The following TASP1 variants were observed in gnomAD, a reference collection of about 807,000 sequenced individuals.
TASP1 encodes the protein threonine aspartase 1.
Under a neutral mutation model 56.6 loss-of-function variants are expected in TASP1, and 16 were observed. The ratio of observed to expected loss-of-function variants is 0.28; its 90% confidence interval spans 0.19 to 0.43. The LOEUF is 0.43. TASP1 is among the 20% of genes least tolerant of loss of function. The pLI is 1.00. For synonymous variants in TASP1, 179 were observed against 184.2 expected (o/e 0.97, Z 0.23); for missense variants, 393 against 511.6 (o/e 0.77, Z 2.24).
intron 11 of TASP1, among the ~76,000 whole-genome samples, chr20:13,437,433 C>T (rs2043044326): frequency 6.6e-6 from 1 of 152,200 alleles, no homozygotes; most frequent in African/African-American, 2.4e-5. Context: ...GAAGCATTCC[C>T]TTTGAAAACT....
chr20:13,635,119 C>T (rs2049251063), intron 1 of TASP1, among the ~76,000 whole-genome samples: 1 of 152,112 alleles, frequency 6.6e-6, no homozygotes, highest in African/African-American at 2.4e-5. Context: ...GAATTGTACA[C>T]TTTGAATGGG....
At chr20:13,231,583 G>A in the TASP1 span, among the ~76,000 whole-genome samples, 3 of 152,280 alleles carry the variant, frequency 2.0e-5, no homozygotes, top group East Asian at 5.8e-4. Flanking sequence ...TCCCTGGAAA[G>A]TTATTTTTGT....
chr20:13,624,577 A>C (rs145866801), intron 3 of TASP1, among the ~76,000 whole-genome samples: 2,015 of 152,314 alleles, frequency 0.013, 27 homozygotes, highest in Middle Eastern at 0.034. Flanking sequence ...TTCTATTTGC[A>C]TAAAAAGTAA....
chr20:13,251,194 T>C, the TASP1 span, among the ~76,000 whole-genome samples: 1 of 152,312 alleles, frequency 6.6e-6, no homozygotes, highest in South Asian at 2.1e-4. Context: ...TGGTGAGCAC[T>C]TGTCCTCTCC....
At chr20:13,206,167 G>A in the TASP1 span, among the ~76,000 whole-genome samples, 1 of 152,198 alleles carries the variant, frequency 6.6e-6, no homozygotes, top group South Asian at 2.1e-4. Flanking sequence ...AGCTGGCCCT[G>A]TGGGTCTTGG....
chr20:13,630,687 C>CAAAAAAAAAAA (rs33973259), intron 1 of TASP1, among the ~76,000 whole-genome samples: 1 of 65,550 alleles, frequency 1.5e-5, no homozygotes, highest in Non-Finnish European at 2.9e-5. Context: ...AGCTCTGTCT[C>CAAAAAAAAAAA]AAAAAAAAAA....
chr20:13,571,760 G>A (rs575206210), intron 6 of TASP1, among the ~76,000 whole-genome samples: 1 of 152,202 alleles, frequency 6.6e-6, no homozygotes, highest in African/African-American at 2.4e-5. Context: ...AAATCTACAA[G>A]CTCCCATGGA....
chr20:13,326,471 G>A, the TASP1 span, among the ~76,000 whole-genome samples: 9 of 152,238 alleles, frequency 5.9e-5, no homozygotes, highest in African/African-American at 2.2e-4. Context: ...GCATCAATAT[G>A]TGAGTGTTCC....
At chr20:13,320,182 G>A in the TASP1 span, among the ~76,000 whole-genome samples, 3 of 152,224 alleles carry the variant, frequency 2.0e-5, no homozygotes, top group African/African-American at 7.2e-5. Context: ...ATGGGTCCTG[G>A]AAGAGCACAG....
chr20:13,163,065 G>A, the TASP1 span, among the ~76,000 whole-genome samples: 1 of 151,980 alleles, frequency 6.6e-6, no homozygotes, highest in African/African-American at 2.4e-5. Context: ...AGTTTAAAAG[G>A]TTGAGATAAA....
chr20:13,329,539 T>TTACAGCCCCAGCAAATAAATATA, the TASP1 span, among the ~76,000 whole-genome samples: 1 of 150,430 alleles, frequency 6.6e-6, no homozygotes, highest in African/African-American at 2.5e-5. Context: ...ATAAATATAG[T>TTACAGCCCCAGCAAATAAATATA]AATATGCTTT....
the TASP1 span, among the ~76,000 whole-genome samples, chr20:13,188,509 A>G: frequency 6.6e-6 from 1 of 152,208 alleles, no homozygotes; most frequent in African/African-American, 2.4e-5. Context: ...TAAAAACTAT[A>G]AAACACAGAT....
intron 4 of TASP1, among the ~76,000 whole-genome samples, chr20:13,621,497 G>GGAA (rs1307420413): frequency 6.6e-6 from 1 of 151,854 alleles, no homozygotes; most frequent in East Asian, 1.9e-4. Context: ...AGTCACTTGG[G>GGAA]GAAGAATTCT....
At chr20:13,114,372 T>C in the TASP1 span, among the ~76,000 whole-genome samples, 3 of 152,240 alleles carry the variant, frequency 2.0e-5, no homozygotes, top group African/African-American at 7.2e-5. Context: ...TATCAACTCA[T>C]AGTGGTTGAG....
intron 13 of TASP1, among the ~76,000 whole-genome samples, chr20:13,415,692 C>A (rs1275666437): frequency 6.6e-6 from 1 of 151,956 alleles, no homozygotes; most frequent in Non-Finnish European, 1.5e-5. Flanking sequence ...TAGCAGGACT[C>A]TACACTCTTT....
the TASP1 span, among the ~76,000 whole-genome samples, chr20:13,198,795 TTTCTTTCTTTCTTTC>T: frequency 1.7e-4 from 1 of 5,988 alleles, no homozygotes; most frequent in African/African-American, 4.2e-4. Flanking sequence ...TTTCTTTGTC[TTTCTTTCTTTCTTTC>T]TTTCTTTCTT....
the TASP1 span, among the ~76,000 whole-genome samples, chr20:13,330,517 T>C: frequency 6.6e-6 from 1 of 152,210 alleles, no homozygotes; most frequent in East Asian, 1.9e-4. Flanking sequence ...ATCAGGAAAA[T>C]ACTGGCCCCA....
At chr20:13,140,639 C>T in the TASP1 span, among the ~76,000 whole-genome samples, 1 of 147,042 alleles carries the variant, frequency 6.8e-6, no homozygotes, top group Non-Finnish European at 1.5e-5. Context: ...AGCATATCTA[C>T]AGGATTAAAA....
chr20:13,121,719 C>A, the TASP1 span, among the ~76,000 whole-genome samples: 1 of 152,106 alleles, frequency 6.6e-6, no homozygotes, highest in African/African-American at 2.4e-5. Context: ...CTCCCTGACA[C>A]TCTCCAGAAG....
Sources: gnomAD v4.1 joint callset for allele counts (sites outside exome capture counted in the v4.1 genomes callset) on GRCh38, gnomAD v4.1.1 for gene constraint, MANE v1.5 for transcripts, NCBI Gene and HGNC (gene_info 2026-07-23, HGNC 2026-07-21) for gene names.